The following PSMF1 variants were observed in gnomAD, a reference collection of about 807,000 sequenced individuals.
The protein encoded by PSMF1 is proteasome inhibitor subunit 1.
PSMF1 carries 30 observed loss-of-function variants against 29.3 expected under a neutral mutation model. The observed-to-expected ratio is 1.02, with a 90% CI of 0.77 to 1.39. The LOEUF is 1.39. Ranked by LOEUF, PSMF1 falls within the 40% of genes most tolerant of loss-of-function variation. The pLI is 0.00. For synonymous variants in PSMF1, 134 were observed against 139.7 expected (o/e 0.96, Z 0.29); for missense variants, 344 against 357.5 (o/e 0.96, Z 0.31).
chr20:1,121,834 T>A (rs1022110086), intron 1 of PSMF1, among the ~76,000 whole-genome samples: 1 of 152,198 alleles, frequency 6.6e-6, no homozygotes, highest in Admixed American at 6.5e-5. Context: ...TTGGATTTCT[T>A]TCTTGAAGTC....
chr20:1,127,286 C>G (rs1167637154), intron 2 of PSMF1, 140 bp from the exon 3 acceptor site: 1 of 793,860 alleles, frequency 1.3e-6, no homozygotes, highest in Admixed American at 1.7e-5. Flanking sequence ...GAAGGTATTT[C>G]ATATAAACAG....
intron 4 of PSMF1, among the ~76,000 whole-genome samples, chr20:1,148,176 T>C (rs1012800642): frequency 3.3e-5 from 5 of 152,236 alleles, no homozygotes; most frequent in African/African-American, 1.2e-4. Context: ...ATTCTGGGTC[T>C]GCTGTGATAC....
At chr20:1,161,140 T>C in intron 4 of PSMF1, 1 of 381,208 alleles carries the variant, frequency 2.6e-6, no homozygotes, top group South Asian at 4.7e-5. Context: ...GACCACCTCA[T>C]GAAGATTCTC....
intron 1 of PSMF1, among the ~76,000 whole-genome samples, chr20:1,120,990 C>G (rs528959559): frequency 3.2e-4 from 49 of 152,184 alleles, no homozygotes; most frequent in Non-Finnish European, 7.1e-4. Flanking sequence ...CTCATGCTGT[C>G]TGAATCACTT....
intron 4 of PSMF1, among the ~76,000 whole-genome samples, chr20:1,147,176 T>C (rs2317433): frequency 0.31 from 40,561 of 131,952 alleles, 5,906 homozygotes; most frequent in Middle Eastern, 0.46. Flanking sequence ...ATCATCATCA[T>C]CACCACCCTG....
At position 1,170,239 on chromosome 20, in the gene PSMF1, A is replaced by G. The variant is rs1477246147; in HGVS notation, c.*5159A>G. Among the ~76,000 whole-genome samples the G allele has an allele frequency of 6.6e-6, 1 of 152,238 alleles. No homozygotes were observed. The highest frequency in any genetic ancestry group is 1.5e-5 in the Non-Finnish European group (1 of 68,026). ...GAATCTGCATTTTAACAAGTTCTCC[A>G]TGAGATTTGTGTAAACTTAAAGTGA... On this transcript the variant is annotated 3_prime_UTR_variant, in exon 7 of 7. Transcript: ENST00000335877.
At chr20:1,154,653 G>A (rs917243430) in intron 4 of PSMF1, among the ~76,000 whole-genome samples, 9 of 152,212 alleles carry the variant, frequency 5.9e-5, no homozygotes, top group Admixed American at 2.0e-4. Context: ...TGTGAAAAAT[G>A]CAGAATCTGA....
chr20:1,171,118 A>G lies in PSMF1; in HGVS notation c.*6038A>G, dbSNP rs574418014. On this transcript the variant is annotated 3_prime_UTR_variant, in exon 7 of 7. Coordinates refer to ENST00000335877, the MANE Select transcript of PSMF1 (RefSeq NM_006814.5). ...AAACCACGTCAGGACTTGTGTGAGA[A>G]AGGAGTGATGCTTCATAATCCCCAG... Among the ~76,000 whole-genome samples the G allele has an allele frequency of 6.6e-5, 10 of 152,114 alleles. No individual in the cohort carries two copies. Among genetic ancestry groups the G allele is most frequent in the Admixed American group, 1.3e-4 (2 of 15,276 alleles).
chr20:1,119,012 G>C, intron 1 of PSMF1, 110 bp downstream of exon 1: 3 of 1,437,556 alleles, frequency 2.1e-6, no homozygotes, highest in Non-Finnish European at 2.8e-6. Flanking sequence ...CCCAGTGCAG[G>C]GTCTGGGGCA....
At chr20:1,118,388 T>C (rs147870976), upstream of PSMF1, 994 of 185,992 alleles carry the variant, frequency 5.3e-3, 7 homozygotes, top group Middle Eastern at 0.026. Flanking sequence ...GCATACCCCA[T>C]TTTGTGGATG....
intron 4 of PSMF1, among the ~76,000 whole-genome samples, chr20:1,147,096 T>TAGGCCC (rs528357092): frequency 5.3e-5 from 8 of 152,066 alleles, no homozygotes; most frequent in Non-Finnish European, 8.8e-5. Flanking sequence ...GGCAAGTATT[T>TAGGCCC]AGGCCCAGGC....
chr20:1,165,383 T>C lies in PSMF1; in HGVS notation c.*303T>C, dbSNP rs1051139142. The C allele has an allele frequency of 8.4e-6, 11 of 1,303,598 alleles. No homozygotes were observed. Among genetic ancestry groups the C allele is most frequent in the Non-Finnish European group, 1.1e-5 (11 of 1,024,316 alleles). The allele number at this position is 1,303,598 out of a possible 1,614,324, so 80.8% of individuals were successfully genotyped here. ...GACTCCGGCAACCTTCAGCAACATATATCCTCGACCAGATGCAGTGCTATA... is the reference window on the plus strand; with the variant it reads ...GACTCCGGCAACCTTCAGCAACATACATCCTCGACCAGATGCAGTGCTATA... On this transcript the variant is annotated 3_prime_UTR_variant, in exon 7 of 7. Coordinates refer to ENST00000335877, the MANE Select transcript of PSMF1 (RefSeq NM_006814.5).
chr20:1,152,462 A>G lies in PSMF1; in HGVS notation c.552-10668A>G, dbSNP rs540643987. Among the ~76,000 whole-genome samples the G allele has an allele frequency of 2.3e-4, 35 of 152,380 alleles. No homozygotes were observed. The South Asian group carries it at 3.3e-3, about 14-fold the overall frequency. On this transcript the variant is annotated intron_variant, in intron 4 of 6. Coordinates refer to ENST00000335877, the MANE Select transcript of PSMF1 (RefSeq NM_006814.5). ...CTCCAAATACTGGTTTGAACACAGT[A>G]CAGCAGTGGAGCAGAAACAGAGGAG...
chr20:1,131,045 A>G (rs2086222081), intron 3 of PSMF1, among the ~76,000 whole-genome samples: 1 of 151,962 alleles, frequency 6.6e-6, no homozygotes, highest in South Asian at 2.1e-4. Flanking sequence ...CTCTGAGGAA[A>G]GGGGGAAGTG....
At chr20:1,154,227 T>A (rs2086566716) in intron 4 of PSMF1, among the ~76,000 whole-genome samples, 1 of 152,220 alleles carries the variant, frequency 6.6e-6, no homozygotes, top group Non-Finnish European at 1.5e-5. Context: ...AGAGTCAGAT[T>A]ATGGGTGACA....
chr20:1,127,136 G>C (rs572752223), intron 2 of PSMF1, among the ~76,000 whole-genome samples: 4 of 152,288 alleles, frequency 2.6e-5, no homozygotes, highest in Non-Finnish European at 5.9e-5. Flanking sequence ...TTGCTCACCT[G>C]CAGATCAAAG....
At chr20:1,140,492 A>C (rs1025740354) in intron 4 of PSMF1, among the ~76,000 whole-genome samples, 1 of 152,214 alleles carries the variant, frequency 6.6e-6, no homozygotes, top group African/African-American at 2.4e-5. Context: ...CTAGACCTAG[A>C]AATAAGTCTA....
intron 1 of PSMF1, among the ~76,000 whole-genome samples, chr20:1,120,787 C>G (rs2086077024): frequency 6.6e-6 from 1 of 152,194 alleles, no homozygotes; most frequent in Non-Finnish European, 1.5e-5. Context: ...GCTTTGCACT[C>G]TGTCCCTCCT....
chr20:1,152,513 C>T lies in PSMF1; in HGVS notation c.552-10617C>T, dbSNP rs542651977. Among the ~76,000 whole-genome samples, 54 of 152,242 alleles carry T rather than the reference C, an allele frequency of 3.5e-4. No individual in the cohort carries two copies. The South Asian group carries it at 7.1e-3, about 20-fold the overall frequency. On this transcript the variant is annotated intron_variant, in intron 4 of 6. Transcript: ENST00000335877. ...ATGACACCATGGGGTAAGCACAGTCCGATGCATATAACCCATGGGGCCAAG... is the reference window on the plus strand; with the variant it reads ...ATGACACCATGGGGTAAGCACAGTCTGATGCATATAACCCATGGGGCCAAG...
Sources: allele counts gnomAD v4.1 joint callset (sites outside exome capture counted in the v4.1 genomes callset), GRCh38; gene constraint gnomAD v4.1.1; transcripts MANE v1.5; gene names NCBI Gene and HGNC (gene_info 2026-07-23, HGNC 2026-07-21).